ICE1: variants seen among roughly 807,000 people sequenced by gnomAD.
The protein encoded by ICE1 is interactor of little elongation complex ELL subunit 1, also known as little elongation complex subunit 1.
In ICE1, 64 loss-of-function variants were observed where a neutral mutation model predicts 192.7. The observed-to-expected ratio is 0.33, with a 90% CI of 0.27 to 0.41. The LOEUF (loss-of-function observed/expected upper bound fraction) is 0.41. ICE1 is among the 10% of genes least tolerant of loss of function. The probability of loss-of-function intolerance (pLI) is 1.00; values close to 1 mark genes in which losing one functional copy is unlikely to be tolerated. For synonymous variants in ICE1, 1,010 were observed against 984.5 expected (o/e 1.03, Z -0.49); for missense variants, 2,708 against 2,696.0 (o/e 1.00, Z -0.10).
Position 5,489,357 on chromosome 5 carries a change from G to T in ICE1, c.*27G>T. ...CTGGGATGCCACTGAGGCTTGAGAAGTGCCTTGACACATTTTGAACACAAA... is the reference window on the plus strand; with the variant it reads ...CTGGGATGCCACTGAGGCTTGAGAATTGCCTTGACACATTTTGAACACAAA... On this transcript the variant is annotated 3_prime_UTR_variant, in exon 19 of 19. Coordinates refer to ENST00000296564, the MANE Select transcript of ICE1 (RefSeq NM_015325.3). The T allele has an allele frequency of 6.4e-7, 1 of 1,562,496 alleles. No homozygotes were observed. Among genetic ancestry groups the T allele is most frequent in the Non-Finnish European group, 8.7e-7 (1 of 1,155,670 alleles).
rs894319845 is a variant in ICE1, at chr5:5,441,105, T to C, written c.198-7T>C. 1.7e-5 allele frequency: 25 copies of C among 1,470,402 alleles called. No homozygotes were observed. The highest frequency in any genetic ancestry group is 2.2e-5 in the Non-Finnish European group (24 of 1,072,818). The allele number at this position is 1,470,402 out of a possible 1,614,324, so 91.1% of individuals were successfully genotyped here. On this transcript the variant is annotated splice_polypyrimidine_tract_variant and splice_region_variant and intron_variant, in intron 4 of 18. Coordinates refer to ENST00000296564, the MANE Select transcript of ICE1 (RefSeq NM_015325.3). Reference sequence around the variant, plus strand: ...TTTCTGTAATAATGTTAATTCATTGTCTTTAGAGAGAATAGTAATCTGCAT... The same window carrying C: ...TTTCTGTAATAATGTTAATTCATTGCCTTTAGAGAGAATAGTAATCTGCAT...
intron 10 of ICE1, among the ~76,000 whole-genome samples, chr5:5,451,956 AG>A (rs1738431590): frequency 6.6e-6 from 1 of 152,134 alleles, no homozygotes; most frequent in Admixed American, 6.6e-5. Flanking sequence ...ACAAATTTAG[AG>A]TACAGACAAA....
At position 5,443,377 on chromosome 5, in the gene ICE1, G is replaced by A. The variant is rs891508315; in HGVS notation, c.386+133G>A. On this transcript the variant is annotated intron_variant, in intron 6 of 18. Coordinates refer to ENST00000296564, the MANE Select transcript of ICE1 (RefSeq NM_015325.3). ...TAATTAGCTGCATGGTCTTGAACTA[G>A]TTAGTCTCTCAACCTTGGTTTCCAC... is the stretch of plus-strand genomic sequence containing the variant. 3 of 533,600 alleles carry A rather than the reference G, an allele frequency of 5.6e-6. No homozygotes were observed. In the African/African-American group the frequency reaches 6.0e-5, roughly 11 times the overall value. The allele number at this position is 533,600 out of a possible 1,614,324, so 33.1% of individuals were successfully genotyped here. A position where few individuals can be genotyped will look rare whatever the true frequency, so the allele number is the denominator to read the frequency against.
At chr5:5,435,664 T>TG in intron 1 of ICE1, among the ~76,000 whole-genome samples, 1 of 120,882 alleles carries the variant, frequency 8.3e-6, no homozygotes, top group African/African-American at 3.3e-5. Context: ...TGTGTTTTTT[T>TG]TTTTTTTTGT....
chr5:5,473,438 A>G, intron 15 of ICE1, 120 bp from the exon 16 acceptor site: 3 of 851,008 alleles, frequency 3.5e-6, no homozygotes, highest in African/African-American at 1.7e-5. Flanking sequence ...ACTGTTTTAA[A>G]AAGCTATTTC....
In ICE1 at chr5:5,489,429, A is replaced by G. The variant is rs568529999; in HGVS notation, c.*99A>G. ...TACAAAGGGAGGTTTCAAAACAAAAAGACATAAAATAGATAAAACAGACCA... is the reference window on the plus strand; with the variant it reads ...TACAAAGGGAGGTTTCAAAACAAAAGGACATAAAATAGATAAAACAGACCA... On this transcript the variant is annotated 3_prime_UTR_variant, in exon 19 of 19. Transcript: ENST00000296564. The G allele has an allele frequency of 4.5e-6, 5 of 1,107,914 alleles. No individual in the cohort carries two copies. Among genetic ancestry groups the G allele is most frequent in the South Asian group, 1.7e-5 (1 of 58,260 alleles). The allele number at this position is 1,107,914 out of a possible 1,614,324, so 68.6% of individuals were successfully genotyped here.
intron 17 of ICE1, among the ~76,000 whole-genome samples, chr5:5,479,204 C>T (rs561799226): frequency 6.2e-4 from 94 of 152,182 alleles, no homozygotes; most frequent in Non-Finnish European, 1.1e-3. Context: ...ATCCATCTGA[C>T]AAAGGTCCAA....
chr5:5,426,903 T>G (rs1258517554), intron 1 of ICE1, among the ~76,000 whole-genome samples: 1 of 152,172 alleles, frequency 6.6e-6, no homozygotes, highest in Non-Finnish European at 1.5e-5. Context: ...TGTGCTATAG[T>G]TTTAACTTTT....
In ICE1 at chr5:5,466,651, T is replaced by G. The variant is rs577549442; in HGVS notation, c.6061+149T>G. On this transcript the variant is annotated intron_variant, in intron 14 of 18. Coordinates refer to ENST00000296564, the MANE Select transcript of ICE1 (RefSeq NM_015325.3). ...TTGAATAGCTTTAGCTATACCCAGC[T>G]GCACCTGGTCTTTAGTAGGGCTTAC... 42 of 665,706 alleles carry G rather than the reference T, an allele frequency of 6.3e-5. No homozygotes were observed. The African/African-American group carries it at 7.5e-4, about 12-fold the overall frequency. 41.2% of individuals were successfully genotyped at this position (665,706 alleles called of 1,614,324 possible).
At chr5:5,478,910 A>T (rs1245114549) in intron 17 of ICE1, among the ~76,000 whole-genome samples, 1 of 152,192 alleles carries the variant, frequency 6.6e-6, no homozygotes, top group Non-Finnish European at 1.5e-5. Context: ...TAAAACTGAA[A>T]TTGGACCCCT....
At chr5:5,440,263 C>T (rs1017473997) in intron 4 of ICE1, among the ~76,000 whole-genome samples, 1 of 152,204 alleles carries the variant, frequency 6.6e-6, no homozygotes, top group Admixed American at 6.5e-5. Context: ...TTACTTTAAA[C>T]AGTTGAAAAT....
chr5:5,489,003 T>C (rs1311679318), intron 18 of ICE1, 146 bp from the exon 19 acceptor site: 2 of 716,180 alleles, frequency 2.8e-6, no homozygotes, highest in East Asian at 2.8e-5. Context: ...TAAATGAATT[T>C]TTTTACTGTG....
In ICE1 at chr5:5,464,293, G is replaced by A; in HGVS notation, c.4959G>A (p.Leu1653=). 6.2e-7 allele frequency: 1 copy of A among 1,613,508 alleles called. No individual in the cohort carries two copies. The highest frequency in any genetic ancestry group is 2.2e-5 in the East Asian group (1 of 44,838). ...GGACTTCACAGCCACTGTCTCCACT[G>A]ATATCGAGTTCTAGTCCTTCCTCAC... ...PPRTSQPLSP[L]ISSSSPSSPA... is the part of the protein sequence containing the mutation. Residue 1653 remains leucine, a synonymous_variant, in exon 13 of 19, where the codon CTG becomes CTA. Coordinates refer to ENST00000296564, the MANE Select transcript of ICE1 (RefSeq NM_015325.3). The surrounding 1 kb of genome is among the most constrained non-coding windows in gnomAD (Gnocchi z 4.0).
intron 7 of ICE1, among the ~76,000 whole-genome samples, chr5:5,445,604 G>A (rs912784519): frequency 6.6e-6 from 1 of 151,676 alleles, no homozygotes; most frequent in African/African-American, 2.4e-5. Context: ...GCTAATTTTT[G>A]GCTTTCACCA....
At chr5:5,473,139 C>CT (rs1276924510) in intron 15 of ICE1, among the ~76,000 whole-genome samples, 1 of 152,184 alleles carries the variant, frequency 6.6e-6, no homozygotes, top group East Asian at 1.9e-4. Context: ...TCATTACTGT[C>CT]TGATTCAGTT....
Position 5,442,471 on chromosome 5 carries a change from G to T in ICE1, c.310-697G>T, listed in dbSNP as rs556113771. On this transcript the variant is annotated intron_variant, in intron 5 of 18. Coordinates refer to ENST00000296564, the MANE Select transcript of ICE1 (RefSeq NM_015325.3). ...TCACAGTGTTCAATGATCTCTATTTGGTTATATAATCTTTTCAGCCATATT... is the reference window on the plus strand; with the variant it reads ...TCACAGTGTTCAATGATCTCTATTTTGTTATATAATCTTTTCAGCCATATT... Among the ~76,000 whole-genome samples, 122 of 152,232 alleles carry T rather than the reference G, an allele frequency of 8.0e-4. 1 individual carries two copies. The highest frequency in any genetic ancestry group is 3.0e-3 in the Admixed American group (46 of 15,298).
chr5:5,430,049 A>G (rs1737653409), intron 1 of ICE1, among the ~76,000 whole-genome samples: 1 of 152,358 alleles, frequency 6.6e-6, no homozygotes, highest in South Asian at 2.1e-4. Context: ...TAGAAGCTCT[A>G]GAAGAGGAGA....
chr5:5,467,368 G>C (rs1353638223), intron 14 of ICE1, among the ~76,000 whole-genome samples: 2 of 152,176 alleles, frequency 1.3e-5, no homozygotes, highest in Non-Finnish European at 2.9e-5. Context: ...TGGTGGGACG[G>C]AACGGGTGTG....
At position 5,461,793 on chromosome 5, in the gene ICE1, A is replaced by C. The variant is rs771790275; in HGVS notation, c.2459A>C (p.Gln820Pro). The C allele has an allele frequency of 6.2e-7, 1 of 1,613,978 alleles. No individual in the cohort carries two copies. Residue 820 changes from glutamine (Q) to proline (P), a missense_variant, in exon 13 of 19, where the codon CAA (glutamine) becomes CCA (proline). Transcript: ENST00000296564. ...EHEQKTSHQL[Q>P]KAMPFLQNRG... ...GAACAGAAGACTAGCCATCAGTTAC[A>C]AAAGGCAATGCCATTCCTACAAAAT...
Sources: allele counts gnomAD v4.1 joint callset (sites outside exome capture counted in the v4.1 genomes callset), GRCh38; gene constraint gnomAD v4.1.1; non-coding constraint Gnocchi (gnomAD v3.1); transcripts MANE v1.5; gene names NCBI Gene and HGNC (gene_info 2026-07-23, HGNC 2026-07-21).